Variants in ARID2 observed in about 807,000 individuals in gnomAD.
ARID2 encodes the protein AT-rich interactive domain-containing protein 2.
Under a neutral mutation model 184.6 loss-of-function variants are expected in ARID2, and 32 were observed. The observed-to-expected ratio is 0.17, with a 90% CI of 0.13 to 0.23. The LOEUF is 0.23. ARID2 is among the 10% of genes least tolerant of loss of function. The probability of loss-of-function intolerance (pLI) is 1.00; values close to 1 mark genes in which losing one functional copy is unlikely to be tolerated. For synonymous variants in ARID2, 836 were observed against 772.6 expected, an observed-to-expected ratio of 1.08 and a Z score of -1.36; for missense variants, 1,696 against 2,197.6, an observed-to-expected ratio of 0.77 and a Z score of 4.56.
At chr12:45,738,889 A>G (rs1260642321) in intron 3 of ARID2, among the ~76,000 whole-genome samples, 1 of 140,802 alleles carries the variant, frequency 7.1e-6, no homozygotes, top group East Asian at 2.2e-4. Context: ...TATTTTACAT[A>G]TTTTCAGACC....
At chr12:45,868,885 C>T (rs1943872309) in intron 16 of ARID2, among the ~76,000 whole-genome samples, 1 of 152,140 alleles carries the variant, frequency 6.6e-6, no homozygotes, top group Non-Finnish European at 1.5e-5. Flanking sequence ...TGATTCTTCG[C>T]AGTTTTTTAT....
At chr12:45,798,931 T>G (rs1390672045) in intron 3 of ARID2, among the ~76,000 whole-genome samples, 1 of 151,518 alleles carries the variant, frequency 6.6e-6, no homozygotes, top group Non-Finnish European at 1.5e-5. Flanking sequence ...TAATTACATA[T>G]AAGTATAATT....
At position 45,905,050 on chromosome 12, in the gene ARID2, A is replaced by G. The variant is rs779621057; in HGVS notation, c.5480A>G (p.Gln1827Arg). The change falls in exon 21 of 21, where the codon CAA becomes CGA. Residue 1827 changes from glutamine (Q) to arginine (R), a missense_variant. This residue lies in a region of ARID2 where 69 missense variants were observed against 118.2 expected (regional missense o/e 0.58). Transcript: ENST00000334344. Reference sequence around the variant, plus strand: ...AATTTTACAGTTCAGAGTAAGGAACAAGAAAAAGACTCAGAAATGCTGCAG... The same window carrying G: ...AATTTTACAGTTCAGAGTAAGGAACGAGAAAAAGACTCAGAAATGCTGCAG... ...ELNFTVQSKE[Q>R]EKDSEMLQ 15 of 1,613,880 alleles carry G rather than the reference A, an allele frequency of 9.3e-6. No individual in the cohort carries two copies. Among genetic ancestry groups the G allele is most frequent in the Non-Finnish European group, 1.3e-5 (15 of 1,179,952 alleles).
intron 3 of ARID2, among the ~76,000 whole-genome samples, chr12:45,737,368 TC>T (rs998962889): frequency 3.9e-5 from 6 of 151,994 alleles, no homozygotes; most frequent in Admixed American, 1.3e-4. Flanking sequence ...GCCCTTTTTT[TC>T]CCCATTATAC....
At position 45,821,459 on chromosome 12, in the gene ARID2, A is replaced by C. The variant is rs778484108; in HGVS notation, c.677A>C (p.Lys226Thr). The change falls in exon 6 of 21, where the codon AAA becomes ACA. Residue 226 changes from lysine (K) to threonine (T), a missense_variant. Transcript: ENST00000334344. ...TCCACTGTATTTGGAGAAGAATGGA[A>C]AGAGAAGACTGATAGAGACTTCGTT... ...SFSTVFGEEW[K>T]EKTDRDFVKF... 5 of 1,521,074 alleles carry C rather than the reference A, an allele frequency of 3.3e-6. No individual in the cohort carries two copies. Among genetic ancestry groups the C allele is most frequent in the Non-Finnish European group, 4.4e-6 (5 of 1,141,160 alleles). 94.2% of individuals were successfully genotyped at this position (1,521,074 alleles called of 1,614,324 possible). A position where few individuals can be genotyped will look rare whatever the true frequency, so the allele number is the denominator to read the frequency against.
At chr12:45,780,095 A>G (rs949832204) in intron 3 of ARID2, among the ~76,000 whole-genome samples, 4 of 152,208 alleles carry the variant, frequency 2.6e-5, no homozygotes, top group Non-Finnish European at 4.4e-5. Context: ...AATGCTAACT[A>G]CATGCTGGTT....
intron 3 of ARID2, among the ~76,000 whole-genome samples, chr12:45,751,846 C>A (rs1306224661): frequency 6.6e-6 from 1 of 152,126 alleles, no homozygotes; most frequent in Non-Finnish European, 1.5e-5. Context: ...ATATTATAAT[C>A]TTATGGGAGC....
intron 3 of ARID2, among the ~76,000 whole-genome samples, chr12:45,757,220 G>A (rs907215330): frequency 5.9e-5 from 9 of 152,172 alleles, no homozygotes; most frequent in Admixed American, 4.6e-4. Flanking sequence ...GTGGACTGTG[G>A]AAAATGTGTT....
At chr12:45,863,645 AATT>A (rs1318005042) in intron 16 of ARID2, among the ~76,000 whole-genome samples, 2 of 151,944 alleles carry the variant, frequency 1.3e-5, no homozygotes, top group African/African-American at 2.4e-5. Context: ...TTAAAGCTAA[AATT>A]ATTTTCTTTA....
intron 3 of ARID2, among the ~76,000 whole-genome samples, chr12:45,788,705 C>G (rs1942240395): frequency 1.3e-5 from 2 of 151,968 alleles, no homozygotes; most frequent in South Asian, 4.2e-4. Flanking sequence ...TTTTGTTTCC[C>G]AGCAGTGAGA....
rs748381246 is a variant in ARID2 at position 45,860,913 on chromosome 12, G to A, written c.4886G>A (p.Gly1629Glu). ...SQPGDPMRKP[G>E]QNFMCLWQSC... ...CCTGGAGATCCAATGAGAAAACCTG[G>A]ACAGAACTTCATGTGTCTGTGGCAG... Residue 1629 changes from glycine to glutamate, a missense_variant, in exon 16 of 21, where the codon GGA becomes GAA. Physicochemically the swap from Gly to Glu is moderately conservative, Grantham distance 98. Around this residue, in one of 11 missense-constraint regions of ARID2, gnomAD observed 111 missense variants for 154.0 expected, o/e 0.72. Coordinates refer to ENST00000334344, the MANE Select transcript of ARID2 (RefSeq NM_152641.4). 1 of 1,598,856 alleles carries A rather than the reference G, an allele frequency of 6.3e-7. No homozygotes were observed. The highest frequency in any genetic ancestry group is 1.1e-5 in the South Asian group (1 of 88,100).
At chr12:45,891,747 C>T (rs2138231615) in intron 16 of ARID2, 33 bp from the exon 17 acceptor site, 3 of 1,599,952 alleles carry the variant, frequency 1.9e-6, no homozygotes, top group South Asian at 1.1e-5. Context: ...TACTTGAATA[C>T]ATCCAAGTGT....
intron 16 of ARID2, among the ~76,000 whole-genome samples, chr12:45,874,505 C>T (rs915179818): frequency 6.6e-6 from 1 of 152,196 alleles, no homozygotes; most frequent in African/African-American, 2.4e-5. Flanking sequence ...TAAGAAGCAA[C>T]TCCTCATCCA....
At chr12:45,790,099 T>C (rs1942268383) in intron 3 of ARID2, among the ~76,000 whole-genome samples, 1 of 152,204 alleles carries the variant, frequency 6.6e-6, no homozygotes, top group Non-Finnish European at 1.5e-5. Context: ...GTCCTATAAA[T>C]AGCGTATTTT....
intron 5 of ARID2, among the ~76,000 whole-genome samples, chr12:45,820,293 T>C (rs1942876686): frequency 6.6e-6 from 1 of 152,204 alleles, no homozygotes; most frequent in African/African-American, 2.4e-5. Flanking sequence ...GTTTAAAATG[T>C]TGCTGTTTCT....
At chr12:45,732,798 A>T (rs181786537) in intron 3 of ARID2, among the ~76,000 whole-genome samples, 7 of 152,208 alleles carry the variant, frequency 4.6e-5, no homozygotes, top group African/African-American at 1.7e-4. Context: ...ACCAGAAAGT[A>T]CTATAGAATA....
chr12:45,862,977 G>C (rs867053124), intron 16 of ARID2, among the ~76,000 whole-genome samples: 2 of 151,994 alleles, frequency 1.3e-5, no homozygotes, highest in East Asian at 3.9e-4. Context: ...CATCCTCTAC[G>C]AGGGTGCATG....
chr12:45,730,820 C>A (rs1219697659), intron 2 of ARID2, among the ~76,000 whole-genome samples: 3 of 148,658 alleles, frequency 2.0e-5, no homozygotes, highest in African/African-American at 4.9e-5. Context: ...CAGCCCCGGC[C>A]CCCCCCCCAA....
At position 45,860,911 on chromosome 12, in the gene ARID2, T is replaced by G. The variant is rs1316658376; in HGVS notation, c.4884T>G (p.Pro1628=). 3 of 1,599,332 alleles carry G rather than the reference T, an allele frequency of 1.9e-6. No individual in the cohort carries two copies. Among genetic ancestry groups the G allele is most frequent in the Non-Finnish European group, 2.6e-6 (3 of 1,172,806 alleles). Residue 1628 remains proline, a synonymous_variant, in exon 16 of 21, where the codon CCT becomes CCG. Transcript: ENST00000334344. ...AGCCTGGAGATCCAATGAGAAAACC[T>G]GGACAGAACTTCATGTGTCTGTGGC... is the stretch of plus-strand genomic sequence containing the variant. ...SSQPGDPMRK[P]GQNFMCLWQS...
Sources: gnomAD v4.1 joint callset for allele counts (sites outside exome capture counted in the v4.1 genomes callset) on GRCh38, gnomAD v4.1.1 for gene constraint, gnomAD v4.1.1 regional missense constraint, MANE v1.5 for transcripts, NCBI Gene and HGNC (gene_info 2026-07-23, HGNC 2026-07-21) for gene names.